Variants in CC2D2A observed in about 807,000 individuals in gnomAD.
CC2D2A encodes coiled-coil and C2 domain-containing protein 2A.
Under a neutral mutation model 212.9 loss-of-function variants are expected in CC2D2A, and 155 were observed. That is an observed-to-expected ratio of 0.73 (90% CI 0.64 to 0.83). The LOEUF is 0.83. CC2D2A is among the 40% of genes least tolerant of loss of function. The pLI, the probability that CC2D2A is intolerant of heterozygous loss-of-function variation, is 0.00. For missense variants in CC2D2A, 1,856 were observed against 1,956.2 expected (o/e 0.95, Z 0.97); for synonymous variants, 667 against 686.5 (o/e 0.97, Z 0.44).
Position 15,601,370 on chromosome 4 carries a change from C to T in CC2D2A, c.4808C>T (p.Pro1603Leu). Residue 1603 changes from proline to leucine, a missense_variant, in exon 37 of 37, where the codon CCC (proline) becomes CTC (leucine). This residue lies in a region of CC2D2A where 285 missense variants were observed against 278.4 expected (regional missense o/e 1.02). Coordinates refer to ENST00000424120, the MANE Select transcript of CC2D2A (RefSeq NM_001378615.1). ...FALAVYIHPY[P>L]KNVLSVWIYV... The stretch of plus-strand genomic sequence containing the variant: ...TTAGCTGTATACATACACCCATACC[C>T]CAAAAATGTTTTGTCTGTTTGGATC... 1 of 1,584,882 alleles carries T rather than the reference C, an allele frequency of 6.3e-7. No homozygotes were observed. Among genetic ancestry groups the T allele is most frequent in the Non-Finnish European group, 8.6e-7 (1 of 1,162,988 alleles).
chr4:15,475,210 G>C (rs1714108103), intron 1 of CC2D2A, among the ~76,000 whole-genome samples: 1 of 152,220 alleles, frequency 6.6e-6, no homozygotes, highest in South Asian at 2.1e-4. Flanking sequence ...GAAGGCGGAG[G>C]TTGCAGTGAG....
rs1239899480 is a variant in CC2D2A at position 15,579,954 on chromosome 4, C to CT, written c.3772-11dup. 1.2e-6 allele frequency: 2 copies of CT among 1,603,926 alleles called. No individual in the cohort carries two copies. Among genetic ancestry groups the CT allele is most frequent in the Non-Finnish European group, 1.7e-6 (2 of 1,172,152 alleles). ...TAATCATACATAAACTCCATGAAGT[C>CT]TTTCTTTTTGAAGTTTGAGTCTCAG... On this transcript the variant is annotated splice_polypyrimidine_tract_variant and intron_variant, in intron 29 of 36. Transcript: ENST00000424120.
chr4:15,560,228 T>C (rs1167564838), intron 22 of CC2D2A, among the ~76,000 whole-genome samples: 1 of 152,192 alleles, frequency 6.6e-6, no homozygotes, highest in Non-Finnish European at 1.5e-5. Context: ...GGCCCTATTT[T>C]TTGTAATGGT....
At chr4:15,580,257 T>G in intron 30 of CC2D2A, 86 bp downstream of exon 30, 1 of 932,386 alleles carries the variant, frequency 1.1e-6, no homozygotes, top group Admixed American at 2.3e-5. Context: ...TATTTCATAG[T>G]GCTTAAGATG....
Position 15,537,019 on chromosome 4 carries a change from G to T in CC2D2A, c.1707G>T (p.Gln569His). ...LLEEHTEEYA[Q>H]KMEEYRTSLQ... ...AAGAGCACACGGAGGAGTACGCACAGAAGATGGAAGAATACAGAACGTCGT... is the reference window on the plus strand; with the variant it reads ...AAGAGCACACGGAGGAGTACGCACATAAGATGGAAGAATACAGAACGTCGT... The change falls in exon 15 of 37, where the codon CAG becomes CAT. Residue 569 changes from glutamine to histidine, a missense_variant. Gln to His is a conservative substitution (Grantham distance 24). This residue lies in a region of CC2D2A where 1,512 missense variants were observed against 1,579.3 expected (regional missense o/e 0.96). Transcript: ENST00000424120. 6.2e-7 allele frequency: 1 copy of T among 1,613,680 alleles called. No homozygotes were observed. The highest frequency in any genetic ancestry group is 8.5e-7 in the Non-Finnish European group (1 of 1,179,722).
intron 20 of CC2D2A, among the ~76,000 whole-genome samples, chr4:15,556,697 G>A (rs1328189556): frequency 1.3e-5 from 2 of 152,200 alleles, no homozygotes; most frequent in Middle Eastern, 6.3e-3. Flanking sequence ...CAGCACCTGG[G>A]TGAGGTGCAG....
intron 1 of CC2D2A, among the ~76,000 whole-genome samples, chr4:15,474,930 T>C (rs1714077312): frequency 2.6e-5 from 4 of 152,226 alleles, no homozygotes; most frequent in Admixed American, 2.6e-4. Flanking sequence ...GGGATTTTTC[T>C]ATAATTGTTG....
At chr4:15,595,002 G>T (rs1051802414) in intron 33 of CC2D2A, among the ~76,000 whole-genome samples, 5 of 150,886 alleles carry the variant, frequency 3.3e-5, no homozygotes, top group African/African-American at 1.2e-4. Context: ...TTTAAGAGAT[G>T]GGGGGTCTCA....
chr4:15,546,793 G>A (rs571163168), intron 17 of CC2D2A, among the ~76,000 whole-genome samples: 8 of 152,324 alleles, frequency 5.3e-5, no homozygotes, highest in African/African-American at 9.6e-5. Context: ...GTAGGAAGTC[G>A]GGTGGCGGCT....
At chr4:15,599,232 C>T (rs979101731) in intron 35 of CC2D2A, among the ~76,000 whole-genome samples, 1 of 152,130 alleles carries the variant, frequency 6.6e-6, no homozygotes, top group African/African-American at 2.4e-5. Flanking sequence ...ATTCAGTACT[C>T]CCTCTTCTGT....
intron 8 of CC2D2A, among the ~76,000 whole-genome samples, chr4:15,513,046 A>G (rs1311445521): frequency 6.6e-6 from 1 of 152,162 alleles, no homozygotes; most frequent in Non-Finnish European, 1.5e-5. Context: ...TCTAGTATTC[A>G]CATAATTGGC....
At position 15,580,098 on chromosome 4, in the gene CC2D2A, C is replaced by T; in HGVS notation, c.3902C>T (p.Thr1301Ile). 2 of 1,613,960 alleles carry T rather than the reference C, an allele frequency of 1.2e-6. No individual in the cohort carries two copies. Among genetic ancestry groups the T allele is most frequent in the South Asian group, 1.1e-5 (1 of 91,086 alleles). The change falls in exon 30 of 37, where the codon ACA becomes ATA. Residue 1301 changes from threonine (T) to isoleucine (I), a missense_variant. By Grantham distance (89) the Thr-to-Ile change is moderately conservative. This residue lies in a region of CC2D2A where 1,512 missense variants were observed against 1,579.3 expected (regional missense o/e 0.96). Coordinates refer to ENST00000424120, the MANE Select transcript of CC2D2A (RefSeq NM_001378615.1). Reference sequence around the variant, plus strand: ...ATAAGCGGAAAAACTGTTTTTATCACACGTTATCTCAAACCTTTAAACCCT... The same window carrying T: ...ATAAGCGGAAAAACTGTTTTTATCATACGTTATCTCAAACCTTTAAACCCT... Reference protein sequence around the residue: ...IDISGKTVFITRYLKPLNPPQ... With the variant: ...IDISGKTVFIIRYLKPLNPPQ...
At chr4:15,470,452 T>C (rs1713648589) in intron 1 of CC2D2A, among the ~76,000 whole-genome samples, 1 of 152,142 alleles carries the variant, frequency 6.6e-6, no homozygotes. Flanking sequence ...GAGAAAGGGC[T>C]ACTAACCACA....
intron 21 of CC2D2A, among the ~76,000 whole-genome samples, chr4:15,558,102 A>G (rs955568138): frequency 6.6e-6 from 1 of 152,208 alleles, no homozygotes; most frequent in Non-Finnish European, 1.5e-5. Context: ...AACTGCAGGT[A>G]ACAGGCCTGT....
Position 15,477,031 on chromosome 4 carries a change from G to A in CC2D2A, c.39+1060G>A, listed in dbSNP as rs374076911. Among the ~76,000 whole-genome samples, 3 of 152,274 alleles carry A rather than the reference G, an allele frequency of 2.0e-5. No homozygotes were observed. In the South Asian group the frequency reaches 6.2e-4, roughly 32 times the overall value. On this transcript the variant is annotated intron_variant, in intron 2 of 36. Transcript: ENST00000424120. ...AACTTTAAGCAAGATGGCTGGGCAC[G>A]GTGGCTCACGCCTGTAATCCCAGCA...
chr4:15,504,284 T>C (rs1307612900), intron 6 of CC2D2A, among the ~76,000 whole-genome samples: 1 of 152,222 alleles, frequency 6.6e-6, no homozygotes, highest in African/African-American at 2.4e-5. Context: ...TTATGACTAT[T>C]TGTTATGTGC....
At chr4:15,525,818 T>C (rs1469883137) in intron 11 of CC2D2A, among the ~76,000 whole-genome samples, 1 of 152,204 alleles carries the variant, frequency 6.6e-6, no homozygotes, top group Non-Finnish European at 1.5e-5. Flanking sequence ...TTTTGGGCAG[T>C]CTAGCCCAGT....
chr4:15,556,720 C>T (rs2160044), intron 20 of CC2D2A, among the ~76,000 whole-genome samples: 40,681 of 152,022 alleles, frequency 0.27, 5,660 homozygotes, highest in East Asian at 0.46. Context: ...CACATCTGCT[C>T]AGCTTCTCAG....
Position 15,580,111 on chromosome 4 carries a change from A to AC in CC2D2A, c.3917dup (p.Leu1307PhefsTer9). 1 of 1,613,914 alleles carries AC rather than the reference A, an allele frequency of 6.2e-7. No homozygotes were observed. Among genetic ancestry groups the AC allele is most frequent in the South Asian group, 1.1e-5 (1 of 91,082 alleles). On this transcript the variant is annotated frameshift_variant, in exon 30 of 37. Coordinates refer to ENST00000424120, the MANE Select transcript of CC2D2A (RefSeq NM_001378615.1). LOFTEE classifies it high-confidence loss of function. The stretch of plus-strand genomic sequence containing the variant: ...CTGTTTTTATCACACGTTATCTCAA[A>AC]CCTTTAAACCCTCCTCAGGAGCTCC...
Sources: gnomAD v4.1 joint callset for allele counts (sites outside exome capture counted in the v4.1 genomes callset) on GRCh38, gnomAD v4.1.1 for gene constraint, gnomAD v4.1.1 regional missense constraint, MANE v1.5 for transcripts, NCBI Gene and HGNC (gene_info 2026-07-23, HGNC 2026-07-21) for gene names.